DCAF8L2: variants seen among roughly 807,000 people sequenced by gnomAD.
The protein encoded by DCAF8L2 is DDB1 and CUL4 associated factor 8 like 2.
For missense variants in DCAF8L2, 430 were observed against 490.7 expected, an observed-to-expected ratio of 0.88 and a Z score of 1.17; for synonymous variants, 200 against 190.9, an observed-to-expected ratio of 1.05 and a Z score of -0.39.
At chrX:27,659,008 T>C (rs1929457124) in intron 2 of DCAF8L2, among the ~76,000 whole-genome samples, 1 of 111,979 alleles carries the variant, frequency 8.9e-6, no homozygotes, top group Non-Finnish European at 1.9e-5. Context: ...TCCAACTCCT[T>C]TCCCCTAGAT....
chrX:27,615,293 T>G (rs1927407148), intron 1 of DCAF8L2, among the ~76,000 whole-genome samples: 1 of 111,937 alleles, frequency 8.9e-6, no homozygotes, highest in Non-Finnish European at 1.9e-5. Context: ...AAAGTCACAC[T>G]TCTTTTGAAT....
the DCAF8L2 span, among the ~76,000 whole-genome samples, chrX:27,575,868 A>G: frequency 8.9e-6 from 1 of 112,126 alleles, no homozygotes; most frequent in Non-Finnish European, 1.9e-5. Context: ...GACCTGTAAC[A>G]TCACCAACAG....
At chrX:27,527,622 G>T in the DCAF8L2 span, among the ~76,000 whole-genome samples, 1 of 110,585 alleles carries the variant, frequency 9.0e-6, no homozygotes, top group Non-Finnish European at 1.9e-5. Context: ...CGCTCACACT[G>T]GGAGCTGTAG....
the DCAF8L2 span, among the ~76,000 whole-genome samples, chrX:27,543,582 A>T: frequency 2.7e-5 from 3 of 110,660 alleles, no homozygotes; most frequent in Non-Finnish European, 5.7e-5. Context: ...TATGGGAGGG[A>T]CCCTCTTTGG....
At chrX:27,524,021 T>C in the DCAF8L2 span, among the ~76,000 whole-genome samples, 1 of 112,170 alleles carries the variant, frequency 8.9e-6, no homozygotes, top group Admixed American at 9.5e-5. Context: ...CAGGCTTTGG[T>C]ATCAGGATGA....
At chrX:27,521,545 T>C in the DCAF8L2 span, among the ~76,000 whole-genome samples, 3 of 112,398 alleles carry the variant, frequency 2.7e-5, no homozygotes, top group Admixed American at 2.9e-4. Context: ...TGGAGAACGC[T>C]GTGAAATATT....
intron 2 of DCAF8L2, among the ~76,000 whole-genome samples, chrX:27,655,474 TG>T (rs1929317257): frequency 8.9e-6 from 1 of 112,227 alleles, no homozygotes. Flanking sequence ...TCACCAAGAC[TG>T]GCACTGATGC....
intron 1 of DCAF8L2, among the ~76,000 whole-genome samples, chrX:27,598,366 C>T (rs913980601): frequency 3.6e-5 from 4 of 112,266 alleles, no homozygotes; most frequent in Non-Finnish European, 7.5e-5. Flanking sequence ...CCAACCCCCC[C>T]GAGGGGATGG....
the DCAF8L2 span, among the ~76,000 whole-genome samples, chrX:27,494,860 T>G: frequency 8.9e-6 from 1 of 111,888 alleles, no homozygotes; most frequent in Admixed American, 9.5e-5. Context: ...AATATAGTTT[T>G]ATTTAAATTA....
At chrX:27,735,555 T>C (rs757336469) in intron 4 of DCAF8L2, among the ~76,000 whole-genome samples, 1 of 112,445 alleles carries the variant, frequency 8.9e-6, no homozygotes, top group Non-Finnish European at 1.9e-5. Flanking sequence ...ATTTGTACTT[T>C]TAAATGTGTC....
intron 2 of DCAF8L2, among the ~76,000 whole-genome samples, chrX:27,661,028 G>A (rs1929540085): frequency 8.9e-6 from 1 of 111,814 alleles, no homozygotes; most frequent in African/African-American, 3.3e-5. Flanking sequence ...TCACCTGGTG[G>A]TGGCTTTGCT....
chrX:27,747,288 G>GGAA lies in DCAF8L2; in HGVS notation c.395_396insAGA (p.Glu147dup), dbSNP rs1569201112. The GGAA allele has an allele frequency of 2.3e-6, 1 of 426,255 alleles. No homozygotes were observed. The highest frequency in any genetic ancestry group is 9.6e-5 in the Admixed American group (1 of 10,364). The allele number at this position is 426,255 out of a possible 1,213,427, so 35.1% of individuals were successfully genotyped here. ...AGGGAGGGGAGGAGGAGGAAGAGGA[G>GGAA]GAGGAGGAGGAGGAGGAGGAGGAGG... On this transcript the variant is annotated inframe_insertion, in exon 5 of 5. Coordinates refer to ENST00000451261, the MANE Select transcript of DCAF8L2 (RefSeq NM_001353450.2).
chrX:27,733,109 G>A (rs922923892), intron 4 of DCAF8L2, among the ~76,000 whole-genome samples: 1 of 110,622 alleles, frequency 9.0e-6, no homozygotes. Context: ...CACCCGCCTC[G>A]GCCTCCCAAA....
Position 27,748,787 on chromosome X carries a change from C to G in DCAF8L2, c.1892C>G (p.Ser631Cys). 8.4e-7 allele frequency: 1 copy of G among 1,194,019 alleles called. No homozygotes were observed. The change falls in exon 5 of 5, where the codon TCC (serine) becomes TGC (cysteine). Residue 631 changes from serine (S) to cysteine (C), a missense_variant. Transcript: ENST00000451261. Reference protein sequence around the residue: ...EVQDRVQCMPS With the variant: ...EVQDRVQCMPC ...CAAGACCGAGTGCAGTGCATGCCAT[C>G]CTGAAGGCCTCATATCCAGTCCAGC... is the stretch of plus-strand genomic sequence containing the variant.
the DCAF8L2 span, among the ~76,000 whole-genome samples, chrX:27,584,230 A>C: frequency 4.5e-5 from 5 of 111,655 alleles, no homozygotes; most frequent in Admixed American, 4.8e-4. Flanking sequence ...TCATGAAGAC[A>C]ATAGAACCTT....
intron 1 of DCAF8L2, among the ~76,000 whole-genome samples, chrX:27,611,713 G>A (rs747384856): frequency 2.7e-5 from 3 of 109,650 alleles, no homozygotes; most frequent in Non-Finnish European, 5.7e-5. Flanking sequence ...CTGTCCTTGC[G>A]ATAGCTTGCT....
chrX:27,548,143 G>T, the DCAF8L2 span, among the ~76,000 whole-genome samples: 1 of 110,315 alleles, frequency 9.1e-6, no homozygotes, highest in Non-Finnish European at 1.9e-5. Flanking sequence ...AGAATTGACA[G>T]ACTTCATAAA....
At chrX:27,572,265 CTAAGTA>C in the DCAF8L2 span, among the ~76,000 whole-genome samples, 1 of 111,538 alleles carries the variant, frequency 9.0e-6, no homozygotes, top group African/African-American at 3.3e-5. Flanking sequence ...TCAAGCAATT[CTAAGTA>C]TTTTTCCAAT....
the DCAF8L2 span, among the ~76,000 whole-genome samples, chrX:27,493,706 C>CA: frequency 0.034 from 619 of 18,186 alleles, 6 homozygotes; most frequent in Non-Finnish European, 0.058. Flanking sequence ...AACTCCATCT[C>CA]AAAAAAAAAA....
Sources: allele counts gnomAD v4.1 joint callset (sites outside exome capture counted in the v4.1 genomes callset), GRCh38; gene constraint gnomAD v4.1.1; transcripts MANE v1.5; gene names NCBI Gene and HGNC (gene_info 2026-07-23, HGNC 2026-07-21).